DAW1: variants seen among roughly 807,000 people sequenced by gnomAD.
DAW1 encodes dynein assembly factor with WD repeats 1.
DAW1 carries 47 observed loss-of-function variants against 56.5 expected under a neutral mutation model. The ratio of observed to expected loss-of-function variants is 0.83; its 90% confidence interval spans 0.66 to 1.06. DAW1 has a LOEUF of 1.06. Ranked by LOEUF, DAW1 falls within the 50% of genes least tolerant of loss-of-function variation. The pLI, the probability that DAW1 is intolerant of heterozygous loss-of-function variation, is 0.00. For missense variants in DAW1, 505 were observed against 499.3 expected (o/e 1.01, Z -0.11); for synonymous variants, 190 against 179.0 (o/e 1.06, Z -0.49).
chr2:227,879,714 G>T (rs933521370), intron 1 of DAW1, among the ~76,000 whole-genome samples: 1 of 151,742 alleles, frequency 6.6e-6, no homozygotes, highest in African/African-American at 2.4e-5. Context: ...ATTGTATGTG[G>T]CAGAAATCTA....
chr2:227,905,591 T>A (rs1264523327), intron 8 of DAW1, among the ~76,000 whole-genome samples: 1 of 152,222 alleles, frequency 6.6e-6, no homozygotes, highest in Non-Finnish European at 1.5e-5. Context: ...TTCAGTTACT[T>A]GATGTGTAGT....
At chr2:227,909,611 TGGG>T (rs1473945653) in intron 10 of DAW1, among the ~76,000 whole-genome samples, 1 of 151,994 alleles carries the variant, frequency 6.6e-6, no homozygotes, top group African/African-American at 2.4e-5. Flanking sequence ...CCTAAAAACT[TGGG>T]GGGACCAATG....
Position 227,882,967 on chromosome 2 carries a change from G to C in DAW1, c.41-2384G>C, listed in dbSNP as rs184887216. 2.0e-5 allele frequency among the ~76,000 whole-genome samples: 3 copies of C among 152,224 alleles called. No homozygotes were observed. The East Asian group carries it at 5.8e-4, about 29-fold the overall frequency. Reference sequence around the variant, plus strand: ...TCTTTTATAAATTACCCAGTCTTGGGCAGTTCTTTATAGCAATATAAAAAC... The same window carrying C: ...TCTTTTATAAATTACCCAGTCTTGGCCAGTTCTTTATAGCAATATAAAAAC... On this transcript the variant is annotated intron_variant, in intron 1 of 12. Transcript: ENST00000309931.
intron 5 of DAW1, among the ~76,000 whole-genome samples, chr2:227,897,614 C>T (rs16825806): frequency 0.2 from 30,637 of 152,056 alleles, 3,154 homozygotes; most frequent in East Asian, 0.33. Context: ...AGCTCTGCCC[C>T]GCAGTCAATA....
intron 5 of DAW1, among the ~76,000 whole-genome samples, chr2:227,897,902 T>C (rs1185477047): frequency 6.6e-6 from 1 of 152,188 alleles, no homozygotes; most frequent in African/African-American, 2.4e-5. Context: ...TTTTCTAAAC[T>C]AAACCTTTTG....
In DAW1 at chr2:227,917,528, G is replaced by A. The variant is rs373673463; in HGVS notation, c.974-1252G>A. Among the ~76,000 whole-genome samples the A allele has an allele frequency of 1.8e-3, 277 of 152,120 alleles. 1 individual carries two copies. Among genetic ancestry groups the A allele is most frequent in the African/African-American group, 5.6e-3 (232 of 41,474 alleles). On this transcript the variant is annotated intron_variant, in intron 10 of 12. Coordinates refer to ENST00000309931, the MANE Select transcript of DAW1 (RefSeq NM_178821.3). The stretch of plus-strand genomic sequence containing the variant: ...TCCCGCCTCGGCCTCCCAAAGTGCT[G>A]GGATTACAGGCATGAGCCACTGCGC...
chr2:227,878,714 ACT>A (rs1690942980), intron 1 of DAW1, among the ~76,000 whole-genome samples: 3 of 151,744 alleles, frequency 2.0e-5, no homozygotes, highest in Admixed American at 6.6e-5. Context: ...ACAGAGCAAG[ACT>A]CTGTCTCTAA....
intron 5 of DAW1, chr2:227,895,460 TAAGAC>T (rs1207581104): frequency 2.0e-5 from 3 of 152,208 alleles, no homozygotes; most frequent in Admixed American, 6.5e-5. Context: ...ATTTAACAAT[TAAGAC>T]AAGAAAGTGA....
chr2:227,888,561 G>A (rs560976974), intron 2 of DAW1, among the ~76,000 whole-genome samples: 1 of 152,204 alleles, frequency 6.6e-6, no homozygotes, highest in Non-Finnish European at 1.5e-5. Context: ...TGTGGACGGA[G>A]AGCCACCAGA....
intron 1 of DAW1, chr2:227,872,189 T>TA (rs1367226245): frequency 6.5e-6 from 1 of 153,330 alleles, no homozygotes; most frequent in Non-Finnish European, 1.4e-5. Context: ...TGACACCCAT[T>TA]GATCACCCAG....
chr2:227,889,052 G>A (rs1259113896), intron 2 of DAW1, among the ~76,000 whole-genome samples: 3 of 152,048 alleles, frequency 2.0e-5, no homozygotes, highest in Admixed American at 1.3e-4. Context: ...TATGATAAAA[G>A]CATTACATTA....
At chr2:227,886,760 A>T (rs1691140183) in intron 2 of DAW1, among the ~76,000 whole-genome samples, 1 of 152,176 alleles carries the variant, frequency 6.6e-6, no homozygotes, top group Non-Finnish European at 1.5e-5. Flanking sequence ...CAGCCCGGGC[A>T]ACACAAAATA....
At chr2:227,909,478 C>A (rs988218939) in intron 10 of DAW1, among the ~76,000 whole-genome samples, 2 of 149,948 alleles carry the variant, frequency 1.3e-5, no homozygotes, top group Non-Finnish European at 3.0e-5. Context: ...AGTATATAAC[C>A]AATATTATAT....
At chr2:227,883,985 G>A (rs1691067361) in intron 1 of DAW1, among the ~76,000 whole-genome samples, 1 of 152,114 alleles carries the variant, frequency 6.6e-6, no homozygotes, top group South Asian at 2.1e-4. Context: ...AAATTTTTGA[G>A]ATGTACTAGT....
At chr2:227,923,208 G>A (rs1236772253) in intron 12 of DAW1, among the ~76,000 whole-genome samples, 1 of 152,172 alleles carries the variant, frequency 6.6e-6, no homozygotes, top group Non-Finnish European at 1.5e-5. Context: ...GCCATCGATG[G>A]AGCAGTCACT....
chr2:227,907,505 T>C (rs1691714530), intron 10 of DAW1, among the ~76,000 whole-genome samples: 1 of 152,210 alleles, frequency 6.6e-6, no homozygotes, highest in Non-Finnish European at 1.5e-5. Context: ...ATCTTCTTAA[T>C]ATCTGTATAT....
intron 4 of DAW1, among the ~76,000 whole-genome samples, chr2:227,892,570 A>G (rs2106195900): frequency 6.6e-6 from 1 of 152,350 alleles, no homozygotes; most frequent in Admixed American, 6.5e-5. Context: ...TCTATAGTAT[A>G]TATGTGTATA....
chr2:227,881,858 T>C (rs1691019656), intron 1 of DAW1, among the ~76,000 whole-genome samples: 1 of 149,400 alleles, frequency 6.7e-6, no homozygotes, highest in African/African-American at 2.5e-5. Flanking sequence ...GTTCAAGCGA[T>C]TCTCCTTCCT....
chr2:227,910,525 C>CACAA (rs1553603514), intron 10 of DAW1, among the ~76,000 whole-genome samples: 1 of 149,510 alleles, frequency 6.7e-6, no homozygotes, highest in African/African-American at 2.5e-5. Context: ...CACACACACA[C>CACAA]CCCTCATATT....
Sources: allele counts gnomAD v4.1 joint callset (sites outside exome capture counted in the v4.1 genomes callset), GRCh38; gene constraint gnomAD v4.1.1; transcripts MANE v1.5; gene names NCBI Gene and HGNC (gene_info 2026-07-23, HGNC 2026-07-21).